The following AVEN variants were observed in gnomAD, a reference collection of about 807,000 sequenced individuals.
AVEN encodes the protein cell death regulator Aven.
AVEN carries 41 observed loss-of-function variants against 38.1 expected under a neutral mutation model. The ratio of observed to expected loss-of-function variants is 1.08; its 90% CI spans 0.84 to 1.40. AVEN has a LOEUF of 1.40. AVEN is among the 40% of genes most tolerant of loss of function. AVEN has a pLI of 0.00. For missense variants in AVEN, 605 were observed against 438.8 expected (o/e 1.38, Z -3.38); for synonymous variants, 206 against 171.8 (o/e 1.20, Z -1.56).
At chr15:34,049,141 C>A (rs769029135) in intron 5 of AVEN, among the ~76,000 whole-genome samples, 2 of 152,124 alleles carry the variant, frequency 1.3e-5, no homozygotes, top group African/African-American at 4.8e-5. Flanking sequence ...AGACAGAGTG[C>A]GTCTCTGCCT....
chr15:34,018,668 AG>A (rs1898065380), intron 1 of AVEN, among the ~76,000 whole-genome samples: 1 of 152,212 alleles, frequency 6.6e-6, no homozygotes. Flanking sequence ...CAGAATGGAA[AG>A]GGACTCCAGT....
chr15:33,914,353 G>GT (rs1183914382), intron 2 of AVEN, among the ~76,000 whole-genome samples: 2 of 152,050 alleles, frequency 1.3e-5, no homozygotes, highest in Non-Finnish European at 1.5e-5. Context: ...TGCCAAAGAA[G>GT]TAAGTCCAGA....
At chr15:33,865,216 A>C (rs1197509232), downstream of AVEN, 1 of 1,612,428 alleles carries the variant, frequency 6.2e-7, no homozygotes, top group Non-Finnish European at 8.5e-7. Context: ...TATGAAGATC[A>C]GCTTGGATAA....
chr15:33,961,645 C>A (rs1350397715), intron 2 of AVEN, among the ~76,000 whole-genome samples: 1 of 151,384 alleles, frequency 6.6e-6, no homozygotes, highest in Non-Finnish European at 1.5e-5. Context: ...AACCCCGTCT[C>A]TACTAAAAAC....
intron 2 of AVEN, among the ~76,000 whole-genome samples, chr15:33,930,960 A>T (rs1893819888): frequency 1.0e-5 from 1 of 95,358 alleles, no homozygotes; most frequent in Non-Finnish European, 2.5e-5. Flanking sequence ...GTCTCAAAAA[A>T]AAAAAAAAAA....
chr15:34,032,496 A>G (rs1436073669), intron 1 of AVEN, among the ~76,000 whole-genome samples: 6 of 152,232 alleles, frequency 3.9e-5, no homozygotes, highest in Non-Finnish European at 8.8e-5. Context: ...CCTGGAAACC[A>G]TATTCTGCAA....
At chr15:34,036,077 C>A (rs1054827002) in intron 1 of AVEN, among the ~76,000 whole-genome samples, 1 of 151,468 alleles carries the variant, frequency 6.6e-6, no homozygotes, top group South Asian at 2.1e-4. Flanking sequence ...ATTACAAGCG[C>A]GAGCCACCAC....
chr15:33,943,213 T>A (rs1249721298), intron 2 of AVEN, among the ~76,000 whole-genome samples: 1 of 152,202 alleles, frequency 6.6e-6, no homozygotes, highest in Non-Finnish European at 1.5e-5. Context: ...GCAACCCAAG[T>A]GTCTGTTGAA....
downstream of AVEN, chr15:33,854,697 A>C: frequency 6.5e-7 from 1 of 1,533,076 alleles, no homozygotes; most frequent in East Asian, 2.3e-5. Flanking sequence ...CCAAAATAAG[A>C]AAAAATGTTT....
chr15:33,988,632 C>T (rs1162184715), intron 2 of AVEN, among the ~76,000 whole-genome samples: 6 of 152,282 alleles, frequency 3.9e-5, no homozygotes, highest in East Asian at 1.9e-4. Context: ...TACACACACA[C>T]GTCTTGCCTA....
At chr15:34,016,029 C>A (rs978787497) in intron 1 of AVEN, among the ~76,000 whole-genome samples, 5 of 152,186 alleles carry the variant, frequency 3.3e-5, no homozygotes, top group Non-Finnish European at 5.9e-5. Context: ...GTAATCCCAG[C>A]ACTTTGGGAG....
rs1475008854 is a variant in AVEN, at chr15:34,063,001, G to A, written n.1558C>T. On this transcript the variant is annotated non_coding_transcript_exon_variant, in exon 5 of 12. Transcript: ENST00000675287. The surrounding 1 kb of genome is among the most constrained non-coding windows in gnomAD (Gnocchi z 4.1). The stretch of plus-strand genomic sequence containing the variant: ...TACACCACCTACATCCTCATGGGAC[G>A]CTGGGCTCTCGGGAGTCTGGCTTGT... 4.3e-6 allele frequency: 7 copies of A among 1,614,154 alleles called. No homozygotes were observed. The highest frequency in any genetic ancestry group is 2.2e-5 in the South Asian group (2 of 91,082).
At chr15:33,976,198 G>A (rs747544624) in intron 2 of AVEN, among the ~76,000 whole-genome samples, 114 of 152,092 alleles carry the variant, frequency 7.5e-4, no homozygotes, top group Non-Finnish European at 1.5e-3. Flanking sequence ...AAAAAGCCAT[G>A]TTTCAATTAT....
intron 2 of AVEN, among the ~76,000 whole-genome samples, chr15:33,893,139 TA>T (rs1892058029): frequency 6.6e-6 from 1 of 152,216 alleles, no homozygotes; most frequent in South Asian, 2.1e-4. Flanking sequence ...TGGGGTTTTC[TA>T]AATATACGAT....
chr15:34,053,311 A>T (rs1214633635), intron 5 of AVEN, among the ~76,000 whole-genome samples: 1 of 97,186 alleles, frequency 1.0e-5, no homozygotes, highest in African/African-American at 4.2e-5. Flanking sequence ...AAAAAAAAAA[A>T]AAAAAAAAAT....
chr15:34,072,229 A>G (rs1900641699), intron 1 of AVEN, among the ~76,000 whole-genome samples: 1 of 152,114 alleles, frequency 6.6e-6, no homozygotes, highest in Non-Finnish European at 1.5e-5. Flanking sequence ...TGATGGCACC[A>G]TCTCTCTCCA....
rs1329275494 is a variant in AVEN, at chr15:33,902,979, C to T, written c.446-26984G>A. ...AATGCCATCTAATGGAGCCACTTGT[C>T]ATTCTTTTGGCCGCCAGGATCTGAA... On this transcript the variant is annotated intron_variant, in intron 2 of 5. Transcript: ENST00000306730. Among the ~76,000 whole-genome samples, 5 of 152,172 alleles carry T rather than the reference C, an allele frequency of 3.3e-5. No homozygotes were observed. The East Asian group carries it at 9.6e-4, about 29-fold the overall frequency.
At chr15:33,992,294 G>A (rs1896757833) in intron 2 of AVEN, among the ~76,000 whole-genome samples, 1 of 152,152 alleles carries the variant, frequency 6.6e-6, no homozygotes, top group East Asian at 1.9e-4. Flanking sequence ...GGAGGCTGAG[G>A]GAGGAGAATG....
At chr15:33,938,622 C>T (rs1391732259) in intron 2 of AVEN, among the ~76,000 whole-genome samples, 2 of 152,172 alleles carry the variant, frequency 1.3e-5, no homozygotes, top group Non-Finnish European at 2.9e-5. Flanking sequence ...AACTACAAAT[C>T]TCAACTACTT....
Sources: gnomAD v4.1 joint callset for allele counts (sites outside exome capture counted in the v4.1 genomes callset) on GRCh38, gnomAD v4.1.1 for gene constraint, Gnocchi (gnomAD v3.1) non-coding constraint, MANE v1.5 for transcripts, NCBI Gene and HGNC (gene_info 2026-07-23, HGNC 2026-07-21) for gene names.